ANO6: variants seen among roughly 807,000 people sequenced by gnomAD.
ANO6 encodes anoctamin 6.
ANO6 carries 106 observed loss-of-function variants against 117.5 expected under a neutral mutation model. That is an observed-to-expected ratio of 0.90 (90% CI 0.77 to 1.06). The LOEUF (loss-of-function observed/expected upper bound fraction) is 1.06. Among genes scored for constraint, ANO6 ranks in the 50% least tolerant of loss-of-function variants. ANO6 has a pLI of 0.00. For missense variants in ANO6, 955 were observed against 1,121.1 expected, an observed-to-expected ratio of 0.85 and a Z score of 2.12; for synonymous variants, 367 against 385.1, an observed-to-expected ratio of 0.95 and a Z score of 0.55.
Position 45,429,309 on chromosome 12 carries a change from T to A in ANO6, c.2731T>A (p.Ter911LysextTer22). The change falls in exon 20 of 20, where the codon TAA becomes AAA. Residue 911 changes from the stop codon to lysine, a stop_lost. Transcript: ENST00000320560. ...VDNNLRPKSE[*>K] Reference sequence around the variant, plus strand: ...TAACAATTTACGGCCAAAATCAGAATAAGAGCTTTATGTTCTGAGAAGCAC... The same window carrying A: ...TAACAATTTACGGCCAAAATCAGAAAAAGAGCTTTATGTTCTGAGAAGCAC... 1 of 1,613,180 alleles carries A rather than the reference T, an allele frequency of 6.2e-7. No homozygotes were observed. The highest frequency in any genetic ancestry group is 8.5e-7 in the Non-Finnish European group (1 of 1,179,592).
At chr12:45,428,367 CTTT>C (rs1229405494) in intron 19 of ANO6, among the ~76,000 whole-genome samples, 4 of 152,174 alleles carry the variant, frequency 2.6e-5, no homozygotes, top group Admixed American at 2.6e-4. Context: ...AATCCTAGCG[CTTT>C]GGAAGGCCAA....
chr12:45,334,898 A>G (rs1022139917), intron 3 of ANO6, among the ~76,000 whole-genome samples: 68 of 152,160 alleles, frequency 4.5e-4, no homozygotes, highest in African/African-American at 1.6e-3. Flanking sequence ...ACTGCTAACA[A>G]TCGGCAGAAC....
chr12:45,222,292 C>T (rs1322650935), intron 1 of ANO6, among the ~76,000 whole-genome samples: 2 of 152,154 alleles, frequency 1.3e-5, no homozygotes, highest in Admixed American at 1.3e-4. Flanking sequence ...TCCTAAGTAG[C>T]TGGGATTACA....
At chr12:45,405,864 A>G (rs977924851) in intron 15 of ANO6, among the ~76,000 whole-genome samples, 4 of 152,072 alleles carry the variant, frequency 2.6e-5, no homozygotes, top group African/African-American at 9.7e-5. Flanking sequence ...CCGAGATCGC[A>G]CCATTGCACT....
intron 3 of ANO6, among the ~76,000 whole-genome samples, chr12:45,333,305 A>G (rs1940729320): frequency 6.6e-6 from 1 of 152,052 alleles, no homozygotes; most frequent in Admixed American, 6.6e-5. Context: ...CTAAAGTAAA[A>G]CAGCTTAGGG....
At chr12:45,420,199 G>A (rs1462855935) in intron 17 of ANO6, among the ~76,000 whole-genome samples, 1 of 152,102 alleles carries the variant, frequency 6.6e-6, no homozygotes, top group Non-Finnish European at 1.5e-5. Flanking sequence ...GGAAAAAAGT[G>A]AACTTAGAGG....
intron 1 of ANO6, among the ~76,000 whole-genome samples, chr12:45,242,060 C>T (rs535137164): frequency 6.6e-6 from 1 of 152,342 alleles, no homozygotes; most frequent in African/African-American, 2.4e-5. Context: ...TGTCCATTCT[C>T]AGAGCTCAGA....
intron 1 of ANO6, among the ~76,000 whole-genome samples, chr12:45,241,329 C>T (rs1947740292): frequency 6.6e-6 from 1 of 152,044 alleles, no homozygotes; most frequent in African/African-American, 2.4e-5. Context: ...TCATTTCTTC[C>T]ACTTGATCAA....
In ANO6 at chr12:45,374,122, C is replaced by G. The variant is rs1279053624; in HGVS notation, c.1105-3931C>G. 2.4e-4 allele frequency among the ~76,000 whole-genome samples: 33 copies of G among 135,540 alleles called. No homozygotes were observed. The South Asian group carries it at 8.1e-3, about 33-fold the overall frequency. 88.9% of individuals were successfully genotyped at this position (135,540 alleles called of 152,430 possible). Reference sequence around the variant, plus strand: ...ATCTAGAAGAAATGGATAAATTCCTCGACACATACACTCTCCCAAGACTAA... The same window carrying G: ...ATCTAGAAGAAATGGATAAATTCCTGGACACATACACTCTCCCAAGACTAA... On this transcript the variant is annotated intron_variant, in intron 9 of 19. Coordinates refer to ENST00000320560, the MANE Select transcript of ANO6 (RefSeq NM_001025356.3).
intron 10 of ANO6, among the ~76,000 whole-genome samples, chr12:45,386,589 C>G (rs1304009589): frequency 6.6e-6 from 1 of 152,224 alleles, no homozygotes; most frequent in African/African-American, 2.4e-5. Flanking sequence ...GCAGGTCTCC[C>G]TGCCCCTAGT....
intron 3 of ANO6, among the ~76,000 whole-genome samples, chr12:45,334,148 C>T (rs956605711): frequency 2.2e-4 from 34 of 152,152 alleles, no homozygotes; most frequent in African/African-American, 7.7e-4. Context: ...CTTTAAAAAG[C>T]ATAAACCATT....
At chr12:45,358,780 C>T (rs925540299) in intron 8 of ANO6, among the ~76,000 whole-genome samples, 3 of 150,828 alleles carry the variant, frequency 2.0e-5, no homozygotes, top group African/African-American at 4.9e-5. Flanking sequence ...GCTTATGTCC[C>T]TCCTTTTTTT....
At chr12:45,384,570 A>G (rs188908463) in intron 10 of ANO6, among the ~76,000 whole-genome samples, 1 of 152,202 alleles carries the variant, frequency 6.6e-6, no homozygotes, top group Admixed American at 6.5e-5. Flanking sequence ...ATCTCAAAGA[A>G]TAGAGAGGCC....
chr12:45,369,077 T>C (rs1050582791), intron 9 of ANO6, among the ~76,000 whole-genome samples: 4 of 152,234 alleles, frequency 2.6e-5, no homozygotes, highest in Non-Finnish European at 5.9e-5. Context: ...CAGCTCTGTT[T>C]GAGAAATTGT....
chr12:45,399,236 G>A (rs994028221), intron 12 of ANO6, among the ~76,000 whole-genome samples: 40 of 151,880 alleles, frequency 2.6e-4, no homozygotes, highest in African/African-American at 9.7e-4. Flanking sequence ...TCGCTCTGTC[G>A]CCCAGGCTGA....
chr12:45,232,397 ATATT>A (rs1947586086), intron 1 of ANO6, among the ~76,000 whole-genome samples: 1 of 152,222 alleles, frequency 6.6e-6, no homozygotes, highest in South Asian at 2.1e-4. Context: ...ACAGCAGATT[ATATT>A]TAAAGATCGT....
chr12:45,406,330 C>T (rs755978940), intron 15 of ANO6, among the ~76,000 whole-genome samples: 1 of 152,230 alleles, frequency 6.6e-6, no homozygotes, highest in Non-Finnish European at 1.5e-5. Flanking sequence ...TTCCCAGCTC[C>T]ACCTTAGTGT....
chr12:45,353,026 T>TTGCATAGAGCAAAACTTATAAAGG (rs1565712820), intron 7 of ANO6, among the ~76,000 whole-genome samples: 2 of 143,624 alleles, frequency 1.4e-5, no homozygotes, highest in African/African-American at 6.0e-5. Flanking sequence ...TTTGTGTAGT[T>TTGCATAGAGCAAAACTTATAAAGG]GCATTAGCTA....
At chr12:45,219,146 C>T (rs1160664333) in intron 1 of ANO6, among the ~76,000 whole-genome samples, 5 of 151,918 alleles carry the variant, frequency 3.3e-5, no homozygotes, top group Admixed American at 1.3e-4. Flanking sequence ...TACCATTGGG[C>T]GTTATAATGG....
Sources: allele counts gnomAD v4.1 joint callset (sites outside exome capture counted in the v4.1 genomes callset), GRCh38; gene constraint gnomAD v4.1.1; transcripts MANE v1.5; gene names NCBI Gene and HGNC (gene_info 2026-07-23, HGNC 2026-07-21).